The following FGF13 variants were observed in gnomAD, a reference collection of about 807,000 sequenced individuals.
FGF13 encodes the protein fibroblast growth factor 13.
FGF13 carries 2 observed loss-of-function variants against 19.5 expected under a neutral mutation model. The observed-to-expected ratio is 0.10, with a 90% CI of 0.04 to 0.32. FGF13 has a LOEUF of 0.32. Ranked by LOEUF, FGF13 falls within the 10% of genes least tolerant of loss-of-function variation. The probability of loss-of-function intolerance (pLI) is 1.00; values close to 1 mark genes in which losing one functional copy is unlikely to be tolerated. For synonymous variants in FGF13, 72 were observed against 76.9 expected (o/e 0.94, Z 0.33); for missense variants, 113 against 192.7 (o/e 0.59, Z 2.45).
intron 1 of FGF13, among the ~76,000 whole-genome samples, chrX:139,043,019 C>A (rs2092275335): frequency 9.0e-6 from 1 of 110,968 alleles, no homozygotes; most frequent in African/African-American, 3.3e-5. Context: ...AGTTATTGCT[C>A]CCAGCTGTAT....
chrX:139,057,761 G>GA (rs1481451028), intron 1 of FGF13, among the ~76,000 whole-genome samples: 40 of 112,279 alleles, frequency 3.6e-4, no homozygotes, highest in Non-Finnish European at 7.5e-5. Flanking sequence ...AAAACGATAT[G>GA]CTAACTGAAA....
chrX:138,851,278 T>C, intron 3 of FGF13, among the ~76,000 whole-genome samples: 1 of 111,812 alleles, frequency 8.9e-6, no homozygotes, highest in Admixed American at 9.5e-5. Context: ...CTGGGTCAAA[T>C]GGTATTTCTG....
At chrX:138,982,434 T>C (rs995832228) in intron 1 of FGF13, among the ~76,000 whole-genome samples, 1 of 111,810 alleles carries the variant, frequency 8.9e-6, no homozygotes, top group African/African-American at 3.3e-5. Context: ...GACACATCTA[T>C]GTTAAAGAAA....
intron 1 of FGF13, among the ~76,000 whole-genome samples, chrX:138,865,607 G>T (rs930550438): frequency 9.2e-6 from 1 of 109,275 alleles, no homozygotes; most frequent in East Asian, 2.9e-4. Flanking sequence ...GTGCAGTGGC[G>T]CTGTTCACTG....
intron 1 of FGF13, among the ~76,000 whole-genome samples, chrX:138,996,309 C>G (rs942016293): frequency 8.9e-6 from 1 of 112,364 alleles, no homozygotes; most frequent in Non-Finnish European, 1.9e-5. Context: ...CCAGGAGGAA[C>G]GGTACACTCC....
chrX:138,846,828 G>A (rs777336779), intron 3 of FGF13, among the ~76,000 whole-genome samples: 207 of 111,724 alleles, frequency 1.9e-3, no homozygotes, highest in African/African-American at 6.5e-3. Flanking sequence ...CATTCAAATC[G>A]AATTTAAGTA....
At chrX:138,845,774 C>G (rs1363385902) in intron 3 of FGF13, among the ~76,000 whole-genome samples, 1 of 111,871 alleles carries the variant, frequency 8.9e-6, no homozygotes, top group Non-Finnish European at 1.9e-5. Context: ...TAGAGATTTA[C>G]TGAATTAGTT....
At chrX:138,911,206 G>A (rs2091585579) in intron 1 of FGF13, among the ~76,000 whole-genome samples, 1 of 111,699 alleles carries the variant, frequency 9.0e-6, no homozygotes, top group African/African-American at 3.3e-5. Context: ...TACTTTGCCT[G>A]AGCGCACCTC....
chrX:138,681,862 C>T (rs901439899), intron 3 of FGF13, among the ~76,000 whole-genome samples: 1 of 111,771 alleles, frequency 8.9e-6, no homozygotes, highest in Non-Finnish European at 1.9e-5. Flanking sequence ...CAATATTTAT[C>T]AATTAAGTTT....
At chrX:139,070,282 A>G (rs2092372380) in intron 1 of FGF13, among the ~76,000 whole-genome samples, 1 of 112,404 alleles carries the variant, frequency 8.9e-6, no homozygotes, top group Non-Finnish European at 1.9e-5. Flanking sequence ...CAAATTTACA[A>G]GAAAAAAACG....
intron 3 of FGF13, among the ~76,000 whole-genome samples, chrX:138,793,193 C>T (rs1381818748): frequency 9.0e-6 from 1 of 110,960 alleles, no homozygotes; most frequent in Non-Finnish European, 1.9e-5. Context: ...GAGAGAGTGC[C>T]CTGGTGAAAA....
intron 3 of FGF13, among the ~76,000 whole-genome samples, chrX:138,692,387 G>GT (rs201393203): frequency 4.8e-3 from 456 of 95,867 alleles, no homozygotes; most frequent in African/African-American, 8.3e-3. Flanking sequence ...TTGTTGAGCT[G>GT]TTTTTTTTTT....
chrX:138,815,975 C>T (rs1227386714), intron 3 of FGF13, among the ~76,000 whole-genome samples: 1 of 110,178 alleles, frequency 9.1e-6, no homozygotes, highest in Non-Finnish European at 1.9e-5. Flanking sequence ...TACATAGCAA[C>T]AACCAAAAAC....
At chrX:139,061,973 CT>C (rs1243262757) in intron 1 of FGF13, among the ~76,000 whole-genome samples, 1 of 111,275 alleles carries the variant, frequency 9.0e-6, no homozygotes, top group Non-Finnish European at 1.9e-5. Flanking sequence ...ACATTTACAC[CT>C]TAATAAATGT....
intron 3 of FGF13, among the ~76,000 whole-genome samples, chrX:138,801,090 C>G (rs2090825138): frequency 8.9e-6 from 1 of 112,027 alleles, no homozygotes; most frequent in Non-Finnish European, 1.9e-5. Flanking sequence ...GTCAATTTCT[C>G]AAACTCATTC....
At chrX:138,708,187 G>A (rs1167000136) in intron 2 of FGF13, among the ~76,000 whole-genome samples, 1 of 112,062 alleles carries the variant, frequency 8.9e-6, no homozygotes, top group Admixed American at 9.4e-5. Flanking sequence ...GTAACATCTT[G>A]GAATCACCTT....
intron 3 of FGF13, among the ~76,000 whole-genome samples, chrX:138,677,475 G>T (rs775137660): frequency 7.7e-4 from 80 of 103,445 alleles, no homozygotes; most frequent in African/African-American, 2.8e-3. Context: ...TCAAACAAAT[G>T]TACAAGAAAA....
At chrX:138,900,542 T>C (rs775201562) in intron 1 of FGF13, among the ~76,000 whole-genome samples, 1 of 111,347 alleles carries the variant, frequency 9.0e-6, no homozygotes, top group South Asian at 3.8e-4. Context: ...GCCACAACCC[T>C]AGTCCAAGAT....
At chrX:138,981,996 T>C (rs916584610) in intron 1 of FGF13, among the ~76,000 whole-genome samples, 2 of 111,364 alleles carry the variant, frequency 1.8e-5, no homozygotes, top group Non-Finnish European at 3.8e-5. Context: ...TTAAATACTA[T>C]TGCTGTGTGG....
Sources: gnomAD v4.1 joint callset for allele counts (sites outside exome capture counted in the v4.1 genomes callset) on GRCh38, gnomAD v4.1.1 for gene constraint, MANE v1.5 for transcripts, NCBI Gene and HGNC (gene_info 2026-07-23, HGNC 2026-07-21) for gene names.